Variants in PRKN observed in about 807,000 individuals in gnomAD.
PRKN encodes the protein E3 ubiquitin-protein ligase parkin.
Under a neutral mutation model 59.5 loss-of-function variants are expected in PRKN, and 56 were observed. The observed-to-expected ratio is 0.94, with a 90% CI of 0.76 to 1.18. The LOEUF is 1.18. Ranked by LOEUF, PRKN falls within the 50% of genes most tolerant of loss-of-function variation. The pLI, the probability that PRKN is intolerant of heterozygous loss-of-function variation, is 0.00. For synonymous variants in PRKN, 250 were observed against 222.1 expected, an observed-to-expected ratio of 1.13 and a Z score of -1.12; for missense variants, 657 against 596.4, an observed-to-expected ratio of 1.10 and a Z score of -1.06.
At chr6:162,020,624 G>A (rs1473727684) in intron 5 of PRKN, among the ~76,000 whole-genome samples, 7 of 152,088 alleles carry the variant, frequency 4.6e-5, no homozygotes, top group South Asian at 2.1e-4. Context: ...CTACTAACTC[G>A]AGAAAAGCAT....
intron 1 of PRKN, among the ~76,000 whole-genome samples, chr6:162,471,252 C>T (rs1029072666): frequency 2.0e-5 from 3 of 151,840 alleles, no homozygotes; most frequent in Admixed American, 6.6e-5. Flanking sequence ...CACCTGCCAC[C>T]GCTCCCGGCT....
At chr6:162,017,183 A>G (rs1029999810) in intron 5 of PRKN, among the ~76,000 whole-genome samples, 4 of 152,156 alleles carry the variant, frequency 2.6e-5, no homozygotes, top group Non-Finnish European at 5.9e-5. Context: ...CCATAGGGAG[A>G]TATATCTTAT....
intron 6 of PRKN, among the ~76,000 whole-genome samples, chr6:161,939,404 G>C (rs540761779): frequency 9.2e-4 from 100 of 109,214 alleles, no homozygotes; most frequent in African/African-American, 3.2e-3. Flanking sequence ...GGGTGACAGA[G>C]AGAGACTCTG....
chr6:162,461,724 G>A (rs1437795884), intron 1 of PRKN, among the ~76,000 whole-genome samples: 5 of 151,538 alleles, frequency 3.3e-5, no homozygotes, highest in Admixed American at 6.6e-5. Context: ...GGGGCGGGGG[G>A]CTGAGGCAGG....
At chr6:162,059,940 T>C (rs1383952296) in intron 4 of PRKN, among the ~76,000 whole-genome samples, 2 of 152,196 alleles carry the variant, frequency 1.3e-5, no homozygotes, top group African/African-American at 4.8e-5. Context: ...ATGAAAACTA[T>C]GAGAAATTTA....
intron 4 of PRKN, among the ~76,000 whole-genome samples, chr6:162,144,353 C>G (rs188786811): frequency 6.6e-6 from 1 of 151,988 alleles, no homozygotes; most frequent in South Asian, 2.1e-4. Context: ...AAATGTGATA[C>G]GATAACAAAA....
At chr6:161,679,956 G>T (rs755405500) in intron 7 of PRKN, among the ~76,000 whole-genome samples, 2 of 151,472 alleles carry the variant, frequency 1.3e-5, no homozygotes, top group Non-Finnish European at 2.9e-5. Flanking sequence ...GGGTTTCACC[G>T]TGTTAGCCAG....
At chr6:161,743,513 T>A (rs1788285413) in intron 7 of PRKN, among the ~76,000 whole-genome samples, 1 of 151,894 alleles carries the variant, frequency 6.6e-6, no homozygotes, top group Non-Finnish European at 1.5e-5. Context: ...CCTCCCAAAG[T>A]GCTGGGATTA....
At chr6:161,776,066 G>A (rs566842367) in intron 7 of PRKN, among the ~76,000 whole-genome samples, 51 of 152,270 alleles carry the variant, frequency 3.3e-4, no homozygotes, top group African/African-American at 9.6e-4. Context: ...AGGGAAGGTG[G>A]GAAACTACTT....
intron 2 of PRKN, among the ~76,000 whole-genome samples, chr6:162,432,591 T>C (rs1163184428): frequency 6.6e-6 from 1 of 152,042 alleles, no homozygotes; most frequent in African/African-American, 2.4e-5. Flanking sequence ...AAAAGATTAG[T>C]ATGTATTTAA....
intron 4 of PRKN, among the ~76,000 whole-genome samples, chr6:162,101,698 A>G (rs966863236): frequency 6.6e-6 from 1 of 151,954 alleles, no homozygotes; most frequent in South Asian, 2.1e-4. Context: ...TTGACTGTAT[A>G]TGTGTGGATT....
intron 6 of PRKN, among the ~76,000 whole-genome samples, chr6:161,905,376 A>C (rs1481258259): frequency 1.3e-5 from 2 of 152,156 alleles, no homozygotes; most frequent in Non-Finnish European, 2.9e-5. Context: ...TATTCCTTAC[A>C]CTAACTTTGA....
intron 6 of PRKN, among the ~76,000 whole-genome samples, chr6:161,847,663 G>C (rs1342722033): frequency 2.0e-5 from 3 of 151,194 alleles, no homozygotes; most frequent in Non-Finnish European, 4.4e-5. Context: ...AATTAGCATA[G>C]TAAAAAAATT....
At chr6:161,739,518 T>C (rs141411232) in intron 7 of PRKN, among the ~76,000 whole-genome samples, 4 of 152,288 alleles carry the variant, frequency 2.6e-5, no homozygotes, top group African/African-American at 9.6e-5. Context: ...AGAGGTGTAA[T>C]AGCTATTCAT....
chr6:162,510,470 T>C (rs900169368), intron 1 of PRKN, among the ~76,000 whole-genome samples: 1 of 152,168 alleles, frequency 6.6e-6, no homozygotes, highest in Non-Finnish European at 1.5e-5. Flanking sequence ...CCTTGTTTAG[T>C]GGCCTCCTTG....
chr6:162,184,734 C>T (rs897832410), intron 4 of PRKN, among the ~76,000 whole-genome samples: 1 of 152,124 alleles, frequency 6.6e-6, no homozygotes, highest in Admixed American at 6.6e-5. Flanking sequence ...TTTGACTTCC[C>T]TTTTGCTGAT....
At chr6:162,055,877 C>A (rs1391492139) in intron 4 of PRKN, among the ~76,000 whole-genome samples, 1 of 151,942 alleles carries the variant, frequency 6.6e-6, no homozygotes, top group East Asian at 1.9e-4. Flanking sequence ...GGGTTCACAG[C>A]CACCCCTGCC....
intron 1 of PRKN, among the ~76,000 whole-genome samples, chr6:162,694,147 T>C (rs540618500): frequency 7.0e-6 from 1 of 143,696 alleles, no homozygotes; most frequent in African/African-American, 2.6e-5. Flanking sequence ...TTCGGGAGGC[T>C]GAGGCAGGAG....
intron 7 of PRKN, among the ~76,000 whole-genome samples, chr6:161,689,715 A>T (rs6910912): frequency 0.056 from 8,422 of 149,532 alleles, 389 homozygotes; most frequent in African/African-American, 0.13. Flanking sequence ...ATAAAGAAAA[A>T]TTTTTTTTTT....
Sources: allele counts gnomAD v4.1 joint callset (sites outside exome capture counted in the v4.1 genomes callset), GRCh38; gene constraint gnomAD v4.1.1; transcripts MANE v1.5; gene names NCBI Gene and HGNC (gene_info 2026-07-23, HGNC 2026-07-21).